DUXA: variants seen among roughly 807,000 people sequenced by gnomAD.
DUXA encodes double homeobox A.
A neutral mutation model predicts 27.5 loss-of-function variants in DUXA; 25 were observed. The ratio of observed to expected loss-of-function variants is 0.91; its 90% CI spans 0.66 to 1.27. The LOEUF (loss-of-function observed/expected upper bound fraction) is 1.27. Ranked by LOEUF, DUXA falls within the 50% of genes most tolerant of loss-of-function variation. The probability of loss-of-function intolerance (pLI) is 0.00; values close to 1 mark genes in which losing one functional copy is unlikely to be tolerated. For missense variants in DUXA, 247 were observed against 242.9 expected (o/e 1.02, Z -0.11); for synonymous variants, 90 against 80.5 (o/e 1.12, Z -0.63).
In DUXA at chr19:57,166,370, C is replaced by T. The variant is rs867321354; in HGVS notation, c.25+1049G>A. On this transcript the variant is annotated intron_variant, in intron 1 of 5. Transcript: ENST00000554048. ...CTCTGGCCCAGGCTGAGGTACATGGCATGATCACGGCTCACTGCAACATTC... is the reference window on the plus strand; with the variant it reads ...CTCTGGCCCAGGCTGAGGTACATGGTATGATCACGGCTCACTGCAACATTC... Among the ~76,000 whole-genome samples, 17 of 152,298 alleles carry T rather than the reference C, an allele frequency of 1.1e-4. 1 individual carries two copies. The Middle Eastern group carries it at 0.01, about 91-fold the overall frequency.
At position 57,162,809 on chromosome 19, in the gene DUXA, C is replaced by T. The variant is rs565389688; in HGVS notation, c.26-2012G>A. Among the ~76,000 whole-genome samples, 25 of 152,228 alleles carry T rather than the reference C, an allele frequency of 1.6e-4. No homozygotes were observed. The South Asian group carries it at 2.9e-3, about 18-fold the overall frequency. On this transcript the variant is annotated intron_variant, in intron 1 of 5. Coordinates refer to ENST00000554048, the MANE Select transcript of DUXA (RefSeq NM_001012729.2). The stretch of plus-strand genomic sequence containing the variant: ...CAGACTGGTCTCGAACTCCTGACCT[C>T]CTGATCCACCCACCTTGGCCTACCA...
Position 57,154,627 on chromosome 19 carries a change from G to C in DUXA, c.545-145C>G, listed in dbSNP as rs560585653. On this transcript the variant is annotated intron_variant, in intron 5 of 5. Transcript: ENST00000554048. ...CGCCCAGGCTGGAGTGCGGTGGCGCGATCTCGGCTCACTGCAAGCTCCGCC... is the reference window on the plus strand; with the variant it reads ...CGCCCAGGCTGGAGTGCGGTGGCGCCATCTCGGCTCACTGCAAGCTCCGCC... The C allele has an allele frequency of 7.8e-4, 444 of 572,086 alleles. 2 individuals are homozygous for C. The highest frequency in any genetic ancestry group is 4.4e-3 in the African/African-American group (228 of 51,474). 35.4% of individuals were successfully genotyped at this position (572,086 alleles called of 1,614,324 possible).
chr19:57,154,479 G>C lies in DUXA; in HGVS notation c.548C>G (p.Ala183Gly). The C allele has an allele frequency of 6.2e-7, 1 of 1,612,556 alleles. No individual in the cohort carries two copies. The highest frequency in any genetic ancestry group is 8.5e-7 in the Non-Finnish European group (1 of 1,178,790). ...GTTGGTGCCATTTTGTGTATCTTCT[G>C]CACCTAAGGAGGAAAAAAGATAGAG... ...QGKIPEGLQGAEDTQNGTNFT... is the reference protein window; with the variant it reads ...QGKIPEGLQGGEDTQNGTNFT... Residue 183 changes from alanine to glycine, a missense_variant, in exon 6 of 6, where the codon GCA becomes GGA. By Grantham distance (60) the Ala-to-Gly change is moderately conservative. Transcript: ENST00000554048.
At position 57,159,246 on chromosome 19, in the gene DUXA, T is replaced by A. The variant is rs1355230038; in HGVS notation, c.213A>T (p.Gly71=). 6.2e-7 allele frequency: 1 copy of A among 1,614,144 alleles called. No homozygotes were observed. Among genetic ancestry groups the A allele is most frequent in the East Asian group, 2.2e-5 (1 of 44,882 alleles). The change falls in exon 3 of 6, where the codon GGA becomes GGT. Residue 71 remains glycine, a synonymous_variant. Transcript: ENST00000554048. ...IWFQNRRARH[G]FQKRPEAETL... ...TCTCAGCTTCTGGTCTTTTCTGGAA[T>A]CCGTGCCTAGCTCTTCGATTCTGAA...
chr19:57,155,084 T>C (rs1026895341), intron 5 of DUXA, among the ~76,000 whole-genome samples, 183 bp downstream of exon 5: 3 of 152,208 alleles, frequency 2.0e-5, no homozygotes, highest in African/African-American at 7.2e-5. Context: ...CAGTGGATTC[T>C]TCAGAAGGTT....
chr19:57,161,562 G>A (rs1318297052), intron 1 of DUXA, among the ~76,000 whole-genome samples: 9 of 151,262 alleles, frequency 5.9e-5, no homozygotes, highest in Non-Finnish European at 1.5e-5. Flanking sequence ...GGCGGAGCTT[G>A]CAGTGAGCCG....
chr19:57,154,866 A>T (rs1425995365), intron 5 of DUXA, among the ~76,000 whole-genome samples: 1 of 152,008 alleles, frequency 6.6e-6, no homozygotes. Context: ...CCCAGCCCCC[A>T]CCTTTTCAAT....
intron 4 of DUXA, among the ~76,000 whole-genome samples, chr19:57,158,104 G>A (rs2087001328): frequency 6.6e-6 from 1 of 152,168 alleles, no homozygotes; most frequent in African/African-American, 2.4e-5. Flanking sequence ...ACTGTTCAGG[G>A]CCCAAGGAAT....
intron 2 of DUXA, among the ~76,000 whole-genome samples, 180 bp from the exon 3 acceptor site, chr19:57,159,458 G>A (rs1252415577): frequency 6.6e-6 from 1 of 151,966 alleles, no homozygotes; most frequent in East Asian, 1.9e-4. Flanking sequence ...TTGTGGCCCA[G>A]GCTGGAGTGC....
intron 1 of DUXA, among the ~76,000 whole-genome samples, chr19:57,165,044 G>A (rs957439815): frequency 6.6e-6 from 1 of 151,964 alleles, no homozygotes; most frequent in African/African-American, 2.4e-5. Flanking sequence ...GTATAATTAG[G>A]AAAATTGTGT....
intron 1 of DUXA, among the ~76,000 whole-genome samples, chr19:57,163,004 C>T (rs1484096217): frequency 6.6e-6 from 1 of 151,778 alleles, no homozygotes; most frequent in African/African-American, 2.4e-5. Flanking sequence ...CGCGACATTC[C>T]ATACCTTGAC....
chr19:57,165,320 A>ATATATATATATATATATATATATAT (rs1380503736), intron 1 of DUXA, among the ~76,000 whole-genome samples: 5 of 96,626 alleles, frequency 5.2e-5, no homozygotes, highest in Admixed American at 3.3e-4. Flanking sequence ...AAAAAAAAAA[A>ATATATATATATATATATATATATAT]AAAAATATAT....
Position 57,155,374 on chromosome 19 carries a change from T to C in DUXA, c.439-2A>G. The C allele has an allele frequency of 6.2e-7, 1 of 1,603,326 alleles. No homozygotes were observed. The highest frequency in any genetic ancestry group is 8.5e-7 in the Non-Finnish European group (1 of 1,170,294). On this transcript the variant is annotated splice_acceptor_variant, in intron 4 of 5. Transcript: ENST00000554048. LOFTEE classifies it high-confidence loss of function. ...AGATCTTCGATTTTGGAACCAAATC[T>C]AAGTGGTAAGACAAAGAAACTTAAT...
chr19:57,162,741 A>AT (rs1390328132), intron 1 of DUXA, among the ~76,000 whole-genome samples: 17 of 151,988 alleles, frequency 1.1e-4, no homozygotes, highest in Middle Eastern at 3.4e-3. Context: ...CGCCTGGCTA[A>AT]TTTTTTGTAT....
chr19:57,160,509 G>A (rs2087014903), intron 2 of DUXA, 134 bp downstream of exon 2: 12 of 1,050,394 alleles, frequency 1.1e-5, no homozygotes, highest in South Asian at 1.6e-5. Context: ...CAACACCTTC[G>A]TGGGTTTATT....
chr19:57,157,923 G>A (rs886740613), intron 4 of DUXA, among the ~76,000 whole-genome samples: 1 of 151,906 alleles, frequency 6.6e-6, no homozygotes. Context: ...GAACCTAGGA[G>A]GTCGAGGTGG....
chr19:57,167,268 A>G (rs2087059391), intron 1 of DUXA, 151 bp downstream of exon 1: 2 of 921,816 alleles, frequency 2.2e-6, no homozygotes, highest in South Asian at 3.1e-5. Flanking sequence ...CTATTTTCAT[A>G]ATATCACATC....
rs1362253936 is a variant in DUXA at position 57,160,673 on chromosome 19, T to C, written c.150A>G (p.Leu50=). The C allele has an allele frequency of 1.9e-6, 3 of 1,613,400 alleles. No homozygotes were observed. Among genetic ancestry groups the C allele is most frequent in the African/African-American group, 2.7e-5 (2 of 74,932 alleles). The part of the protein sequence containing the change: ...PGYATKQKLA[L]EINTEESRIQ... ...TTCTGGACTCTTCTGTATTGATTTCTAAAGCAAGTTTTTGTTTGGTAGCAT... is the reference window on the plus strand; with the variant it reads ...TTCTGGACTCTTCTGTATTGATTTCCAAAGCAAGTTTTTGTTTGGTAGCAT... Residue 50 remains leucine, a synonymous_variant, in exon 2 of 6, where the codon TTA becomes TTG. Coordinates refer to ENST00000554048, the MANE Select transcript of DUXA (RefSeq NM_001012729.2).
chr19:57,161,467 C>T (rs1568464358), intron 1 of DUXA, among the ~76,000 whole-genome samples: 2 of 147,074 alleles, frequency 1.4e-5, no homozygotes, highest in South Asian at 2.1e-4. Context: ...ACTAAAAATA[C>T]AAAAAATTAG....
Sources: gnomAD v4.1 joint callset for allele counts (sites outside exome capture counted in the v4.1 genomes callset) on GRCh38, gnomAD v4.1.1 for gene constraint, MANE v1.5 for transcripts, NCBI Gene and HGNC (gene_info 2026-07-23, HGNC 2026-07-21) for gene names.